CEP95: variants seen among roughly 807,000 people sequenced by gnomAD.
CEP95 encodes the protein centrosomal protein 95, also known as centrosomal protein of 95 kDa.
In CEP95, 98 loss-of-function variants were observed where a neutral mutation model predicts 111.2. The ratio of observed to expected loss-of-function variants is 0.88; its 90% confidence interval spans 0.75 to 1.04. CEP95 has a LOEUF of 1.04. Ranked by LOEUF, CEP95 falls within the 50% of genes least tolerant of loss-of-function variation. CEP95 has a pLI of 0.00. For missense variants in CEP95, 1,027 were observed against 977.2 expected (o/e 1.05, Z -0.68); for synonymous variants, 323 against 327.1 (o/e 0.99, Z 0.14).
At chr17:64,521,105 C>T (rs549599198) in intron 6 of CEP95, among the ~76,000 whole-genome samples, 24 of 152,080 alleles carry the variant, frequency 1.6e-4, no homozygotes, top group East Asian at 7.8e-4. Flanking sequence ...GGCATGGTGG[C>T]GGGTGCCTGT....
At chr17:64,511,557 A>G (rs782816446) in intron 3 of CEP95, among the ~76,000 whole-genome samples, 11 of 152,198 alleles carry the variant, frequency 7.2e-5, no homozygotes, top group Non-Finnish European at 1.5e-4. Flanking sequence ...AATTGCTGTT[A>G]TCCTGTTCTT....
At chr17:64,526,237 T>C (rs781946657) in intron 10 of CEP95, 37 bp downstream of exon 10, 14 of 1,558,450 alleles carry the variant, frequency 9.0e-6, no homozygotes, top group Admixed American at 2.0e-5. Context: ...GAGATTCCCA[T>C]GGGTTAAGTG....
chr17:64,535,797 G>T (rs1555681407), intron 17 of CEP95: 1 of 152,130 alleles, frequency 6.6e-6, no homozygotes, highest in Non-Finnish European at 1.5e-5. Flanking sequence ...TAGCCTAAAA[G>T]GGGAAACAAC....
intron 11 of CEP95, among the ~76,000 whole-genome samples, chr17:64,527,866 G>A (rs1229920420): frequency 9.4e-4 from 117 of 124,258 alleles, no homozygotes; most frequent in African/African-American, 3.5e-3. Flanking sequence ...GTGTGTGTGT[G>A]TGTGTATATA....
intron 8 of CEP95, among the ~76,000 whole-genome samples, chr17:64,524,850 A>C (rs977102583): frequency 1.4e-4 from 21 of 151,824 alleles, no homozygotes; most frequent in African/African-American, 5.1e-4. Context: ...AGGTGCCTGT[A>C]ATCCCAGCTA....
intron 13 of CEP95, 43 bp from the exon 14 acceptor site, chr17:64,531,846 TG>T: frequency 7.2e-7 from 1 of 1,393,292 alleles, no homozygotes; most frequent in South Asian, 1.4e-5. Context: ...ATGAAAGAAC[TG>T]TTAGACCTTT....
intron 9 of CEP95, 32 bp from the exon 10 acceptor site, chr17:64,526,039 A>G (rs373878543): frequency 1.3e-6 from 2 of 1,599,372 alleles, no homozygotes; most frequent in Non-Finnish European, 8.5e-7. Context: ...ACACCTAGCT[A>G]TTTTACTGTC....
Position 64,533,120 on chromosome 17 carries a change from G to C in CEP95, c.1846G>C (p.Glu616Gln). 6.2e-7 allele frequency: 1 copy of C among 1,605,704 alleles called. No homozygotes were observed. The highest frequency in any genetic ancestry group is 8.5e-7 in the Non-Finnish European group (1 of 1,177,684). ...TAACTTCATGTCCCCCTTCAAGATA[G>C]AAGAAGCCCTAAGAAGGCATGACCT... ...RSKKKLQDEI[E>Q]EALRRHDLLT... Residue 616 changes from glutamate (E) to glutamine (Q), a missense_variant, in exon 16 of 20, where the codon GAA becomes CAA. Glu to Gln is a conservative substitution (Grantham distance 29). Transcript: ENST00000556440.
intron 4 of CEP95, chr17:64,514,590 A>G: frequency 4.8e-6 from 2 of 420,736 alleles, no homozygotes; most frequent in Admixed American, 8.1e-5. Context: ...CTTCAAAACT[A>G]ATTTATACTA....
upstream of CEP95, chr17:64,506,919 TC>T: frequency 1.4e-6 from 1 of 730,356 alleles, no homozygotes; most frequent in South Asian, 1.6e-5. Flanking sequence ...GAAGTGCTCC[TC>T]TGATGACCAA....
intron 14 of CEP95, chr17:64,532,342 G>A: frequency 9.2e-7 from 1 of 1,089,610 alleles, no homozygotes; most frequent in Non-Finnish European, 1.1e-6. Context: ...AGAATGAAAG[G>A]GATGCTCCAA....
intron 13 of CEP95, 122 bp downstream of exon 13, chr17:64,531,140 G>T (rs1968249094): frequency 3.8e-6 from 2 of 521,886 alleles, no homozygotes; most frequent in South Asian, 7.4e-5. Context: ...TTAGGAAAAG[G>T]CAGGATTTCA....
intron 18 of CEP95, 116 bp downstream of exon 18, chr17:64,536,864 A>C: frequency 7.7e-7 from 1 of 1,299,938 alleles, no homozygotes; most frequent in Non-Finnish European, 1.1e-6. Flanking sequence ...TTTGCACTCT[A>C]CAGATTAGAG....
At position 64,514,349 on chromosome 17, in the gene CEP95, C is replaced by T; in HGVS notation, c.358C>T (p.His120Tyr). 6.8e-7 allele frequency: 1 copy of T among 1,465,550 alleles called. No individual in the cohort carries two copies. Among genetic ancestry groups the T allele is most frequent in the Non-Finnish European group, 9.4e-7 (1 of 1,069,410 alleles). 90.8% of individuals were successfully genotyped at this position (1,465,550 alleles called of 1,614,324 possible). ...YLTERISETS[H>Y]EKSETEQYFK... ...TACAGAACGCATCAGTGAAACATCT[C>T]ATGAGAAAAGTAAGTTTAAGAATGG... The change falls in exon 4 of 20, where the codon CAT (histidine) becomes TAT (tyrosine). Residue 120 changes from histidine (H) to tyrosine (Y), a missense_variant. Coordinates refer to ENST00000556440, the MANE Select transcript of CEP95 (RefSeq NM_138363.3).
rs781916340 is a variant in CEP95, at chr17:64,537,070, G to A, written c.2247G>A (p.Gln749=). The A allele has an allele frequency of 2.5e-6, 4 of 1,612,854 alleles. No individual in the cohort carries two copies. Among genetic ancestry groups the A allele is most frequent in the East Asian group, 2.2e-5 (1 of 44,816 alleles). ...QFSLLAEAIS[Q]EHQELKAREK... is the part of the protein sequence containing the mutation. The stretch of plus-strand genomic sequence containing the variant: ...CATTGCTGGCAGAAGCCATATCACA[G>A]GAACATCAAGAACTTAAAGCCAGAG... The change falls in exon 19 of 20, where the codon CAG becomes CAA. Residue 749 remains glutamine (Q), a synonymous_variant. Transcript: ENST00000556440.
chr17:64,514,364 T>G lies in CEP95; in HGVS notation c.367+6T>G. 1 of 1,349,612 alleles carries G rather than the reference T, an allele frequency of 7.4e-7. No homozygotes were observed. The highest frequency in any genetic ancestry group is 1.0e-6 in the Non-Finnish European group (1 of 964,666). The allele number at this position is 1,349,612 out of a possible 1,614,324, so 83.6% of individuals were successfully genotyped here. On this transcript the variant is annotated splice_donor_region_variant and intron_variant, in intron 4 of 19. Coordinates refer to ENST00000556440, the MANE Select transcript of CEP95 (RefSeq NM_138363.3). ...TGAAACATCTCATGAGAAAAGTAAG[T>G]TTAAGAATGGAAATTTGGTTTGGTT...
At chr17:64,519,907 C>G (rs1568134891) in intron 6 of CEP95, among the ~76,000 whole-genome samples, 2 of 152,204 alleles carry the variant, frequency 1.3e-5, no homozygotes, top group Non-Finnish European at 2.9e-5. Flanking sequence ...TTTTGAGCCT[C>G]CAACCTTGCC....
chr17:64,526,339 G>C (rs1044844491), intron 10 of CEP95, 139 bp downstream of exon 10: 1 of 841,508 alleles, frequency 1.2e-6, no homozygotes, highest in East Asian at 2.7e-5. Context: ...CGTAAGTCAA[G>C]CAGGTAGAAC....
At chr17:64,531,046 T>C (rs1555680206) in intron 13 of CEP95, 28 bp downstream of exon 13, 1 of 1,317,632 alleles carries the variant, frequency 7.6e-7, no homozygotes. Context: ...CTGTAATAAA[T>C]GCCATTTGAT....
Sources: gnomAD v4.1 joint callset for allele counts (sites outside exome capture counted in the v4.1 genomes callset) on GRCh38, gnomAD v4.1.1 for gene constraint, MANE v1.5 for transcripts, NCBI Gene and HGNC (gene_info 2026-07-23, HGNC 2026-07-21) for gene names.